The following SPAG11B variants were observed in gnomAD, a reference collection of about 807,000 sequenced individuals.
SPAG11B encodes sperm associated antigen 11B, also known as sperm-associated antigen 11B.
SPAG11B carries 5 observed loss-of-function variants against 8.9 expected under a neutral mutation model. The observed-to-expected ratio is 0.56, with a 90% confidence interval of 0.29 to 1.19. The LOEUF is 1.19. Ranked by LOEUF, SPAG11B falls within the 50% of genes most tolerant of loss-of-function variation. SPAG11B has a pLI of 0.08. For synonymous variants in SPAG11B, 12 were observed against 53.0 expected (o/e 0.23, Z 3.36); for missense variants, 38 against 146.4 (o/e 0.26, Z 3.82).
chr8:7,452,791 C>T (rs1175882270), intron 2 of SPAG11B, among the ~76,000 whole-genome samples: 1 of 89,580 alleles, frequency 1.1e-5, no homozygotes, highest in African/African-American at 4.8e-5. Context: ...GAGACATGTG[C>T]ACGAACGTTC....
intron 2 of SPAG11B, among the ~76,000 whole-genome samples, chr8:7,452,644 A>G (rs1176968882): frequency 1.9e-4 from 7 of 36,020 alleles, no homozygotes; most frequent in Non-Finnish European, 3.9e-4. Flanking sequence ...GCTAGGTGCT[A>G]GAGACATGGT....
At chr8:7,457,259 C>CAT (rs1269551098) in intron 2 of SPAG11B, among the ~76,000 whole-genome samples, 2 of 144,202 alleles carry the variant, frequency 1.4e-5, no homozygotes, top group Non-Finnish European at 3.0e-5. Flanking sequence ...TTTGTATATA[C>CAT]ATATATATGT....
Position 7,450,827 on chromosome 8 carries a change from A to G in SPAG11B, c.288T>C (p.His96=), listed in dbSNP as rs1810086261. ...AAATGTCACGCTTTTTCTCACCAGA[A>G]TGGCAGAAAAAAAGTCTGCAGATCC... ...QQGICRLFFC[H]SGEKKRDICS... is the part of the protein sequence containing the mutation. Residue 96 remains histidine (H), a synonymous_variant, in exon 3 of 3, where the codon CAT becomes CAC. Coordinates refer to ENST00000398462, the MANE Select transcript of SPAG11B (RefSeq NM_058201.4). 6.2e-7 allele frequency: 1 copy of G among 1,606,496 alleles called. No homozygotes were observed. Among genetic ancestry groups the G allele is most frequent in the South Asian group, 1.1e-5 (1 of 90,786 alleles).
At chr8:7,459,028 G>T (rs1240597877) in intron 2 of SPAG11B, among the ~76,000 whole-genome samples, 1 of 92,544 alleles carries the variant, frequency 1.1e-5, no homozygotes, top group African/African-American at 7.0e-5. Flanking sequence ...GAGAAACCTC[G>T]TCTCTACTAA....
chr8:7,459,042 T>G lies in SPAG11B; in HGVS notation c.214+3665A>C. Among the ~76,000 whole-genome samples, 2 of 92,664 alleles carry G rather than the reference T, an allele frequency of 2.2e-5. 1 individual carries two copies. Among genetic ancestry groups the G allele is most frequent in the Non-Finnish European group, 3.9e-5 (2 of 51,908 alleles). 60.8% of individuals were successfully genotyped at this position (92,664 alleles called of 152,430 possible). On this transcript the variant is annotated intron_variant, in intron 2 of 2. Coordinates refer to ENST00000398462, the MANE Select transcript of SPAG11B (RefSeq NM_058201.4). ...GGAGAAACCTCGTCTCTACTAAAAA[T>G]ACAAAATTAGCCGGGCATGGTGGTA...
At chr8:7,459,582 T>C (rs1298435723) in intron 2 of SPAG11B, among the ~76,000 whole-genome samples, 2 of 148,246 alleles carry the variant, frequency 1.3e-5, no homozygotes, top group African/African-American at 4.9e-5. Flanking sequence ...AATTAATTGG[T>C]AAGGAAGTCC....
At chr8:7,451,027 T>C in intron 2 of SPAG11B, 127 bp from the exon 3 acceptor site, 1 of 1,511,820 alleles carries the variant, frequency 6.6e-7, no homozygotes, top group Middle Eastern at 1.8e-4. Context: ...AGCCCCAGTT[T>C]AACCGAACTT....
At chr8:7,448,302 C>CAAAAAAAAAA (rs71221492), downstream of SPAG11B, among the ~76,000 whole-genome samples, 1 of 48,854 alleles carries the variant, frequency 2.0e-5, no homozygotes, top group Non-Finnish European at 3.6e-5. Flanking sequence ...AACAAGTGGT[C>CAAAAAAAAAA]AAAAAAAAAA....
At chr8:7,451,679 CA>C (rs1810180870) in intron 2 of SPAG11B, among the ~76,000 whole-genome samples, 1 of 127,550 alleles carries the variant, frequency 7.8e-6, no homozygotes, top group Non-Finnish European at 1.7e-5. Flanking sequence ...TTAGTCAAGA[CA>C]GAAGAGCCCC....
At chr8:7,449,088 GCA>G (rs1300305401), downstream of SPAG11B, 1 of 326,030 alleles carries the variant, frequency 3.1e-6, no homozygotes, top group Non-Finnish European at 5.8e-6. Flanking sequence ...CTCACCTGCA[GCA>G]CCCTGGCAGG....
Position 7,450,816 on chromosome 8 carries a change from T to C in SPAG11B, c.299A>G (p.Lys100Arg), listed in dbSNP as rs369216340. 6.2e-7 allele frequency: 1 copy of C among 1,608,800 alleles called. No individual in the cohort carries two copies. The highest frequency in any genetic ancestry group is 8.5e-7 in the Non-Finnish European group (1 of 1,178,260). Residue 100 changes from lysine (K) to arginine (R), a missense_variant, in exon 3 of 3, where the codon AAA (lysine) becomes AGA (arginine). This residue lies in a region of SPAG11B where 9 missense variants were observed against 48.6 expected (regional missense o/e 0.19). Coordinates refer to ENST00000398462, the MANE Select transcript of SPAG11B (RefSeq NM_058201.4). ...GGGATCAGAGCAAATGTCACGCTTT[T>C]TCTCACCAGAATGGCAGAAAAAAAG... ...CRLFFCHSGE[K>R]KRDICSDPWN...
chr8:7,448,302 C>CAAAA (rs71221492), downstream of SPAG11B, among the ~76,000 whole-genome samples: 5 of 48,852 alleles, frequency 1.0e-4, no homozygotes, highest in African/African-American at 2.9e-4. Context: ...AACAAGTGGT[C>CAAAA]AAAAAAAAAA....
downstream of SPAG11B, among the ~76,000 whole-genome samples, chr8:7,449,591 G>T (rs1444868485): frequency 4.7e-5 from 7 of 150,384 alleles, no homozygotes; most frequent in South Asian, 8.4e-4. Flanking sequence ...CACTTCCAGA[G>T]GTCTGTCTGA....
intron 2 of SPAG11B, among the ~76,000 whole-genome samples, chr8:7,458,411 T>G: frequency 3.1e-5 from 1 of 32,284 alleles, no homozygotes; most frequent in African/African-American, 1.5e-4. Flanking sequence ...AGTGTAAAAC[T>G]AGCAGAAGTG....
At chr8:7,448,936 A>G (rs1259167064), downstream of SPAG11B, among the ~76,000 whole-genome samples, 1 of 143,490 alleles carries the variant, frequency 7.0e-6, no homozygotes, top group South Asian at 2.2e-4. Context: ...GAAATTTTAC[A>G]TAAGAGGGAG....
Position 7,453,923 on chromosome 8 carries a change from GA to G in SPAG11B, c.215-3024del, listed in dbSNP as rs1239369676. ...TGACCCTCCACCAAAAAAAAAGAGAGAAAAAAAAAAGTTACCTTAAATGTTA... is the reference window on the plus strand; with the variant it reads ...TGACCCTCCACCAAAAAAAAAGAGAGAAAAAAAAAGTTACCTTAAATGTTA... On this transcript the variant is annotated intron_variant, in intron 2 of 2. Coordinates refer to ENST00000398462, the MANE Select transcript of SPAG11B (RefSeq NM_058201.4). Among the ~76,000 whole-genome samples the G allele has an allele frequency of 4.4e-3, 650 of 146,114 alleles. 12 individuals carry two copies. Among genetic ancestry groups the G allele is most frequent in the African/African-American group, 0.014 (546 of 38,098 alleles).
At chr8:7,451,896 C>G (rs1210305680) in intron 2 of SPAG11B, among the ~76,000 whole-genome samples, 1 of 147,298 alleles carries the variant, frequency 6.8e-6, no homozygotes, top group African/African-American at 2.5e-5. Context: ...AACACTTTCT[C>G]TGGACTTTGG....
downstream of SPAG11B, chr8:7,447,998 G>A (rs1464112692): frequency 1.8e-6 from 2 of 1,103,488 alleles, no homozygotes; most frequent in African/African-American, 2.2e-5. Context: ...GGCAGGAAGA[G>A]GAAGTCTCTA....
At chr8:7,453,887 C>A (rs1810342024) in intron 2 of SPAG11B, among the ~76,000 whole-genome samples, 1 of 149,318 alleles carries the variant, frequency 6.7e-6, no homozygotes, top group Non-Finnish European at 1.5e-5. Flanking sequence ...TTGGGCACTC[C>A]AAGCTGCTTT....
Sources: allele counts gnomAD v4.1 joint callset (sites outside exome capture counted in the v4.1 genomes callset), GRCh38; gene constraint gnomAD v4.1.1; regional missense constraint gnomAD v4.1.1; transcripts MANE v1.5; gene names NCBI Gene and HGNC (gene_info 2026-07-23, HGNC 2026-07-21).